DNAH14: variants seen among roughly 807,000 people sequenced by gnomAD.
DNAH14 encodes the protein axonemal beta dynein heavy chain 14.
Under a neutral mutation model 520.9 loss-of-function variants are expected in DNAH14, and 478 were observed. That is an observed-to-expected ratio of 0.92 (90% confidence interval 0.85 to 0.99). The LOEUF (loss-of-function observed/expected upper bound fraction) is 0.99. Among genes scored for constraint, DNAH14 ranks in the 50% least tolerant of loss-of-function variants. The pLI is 0.00. For missense variants in DNAH14, 4,831 were observed against 5,234.5 expected, an observed-to-expected ratio of 0.92 and a Z score of 2.38; for synonymous variants, 1,581 against 1,757.2, an observed-to-expected ratio of 0.90 and a Z score of 2.51.
chr1:224,941,849 T>G (rs2125404538), intron 1 of DNAH14, among the ~76,000 whole-genome samples: 1 of 152,266 alleles, frequency 6.6e-6, no homozygotes. Context: ...GAGGGCTCTG[T>G]TTTGTTCCAT....
At chr1:225,002,739 AT>A (rs1558648935) in intron 8 of DNAH14, 43 bp from the exon 9 acceptor site, 12 of 1,512,348 alleles carry the variant, frequency 7.9e-6, no homozygotes, top group Non-Finnish European at 9.8e-6. Context: ...AATTTTATTC[AT>A]TTTGAATGAG....
chr1:225,347,070 C>G (rs1236054015), intron 71 of DNAH14, among the ~76,000 whole-genome samples: 2 of 152,256 alleles, frequency 1.3e-5, no homozygotes, highest in East Asian at 3.9e-4. Flanking sequence ...CTAAATGTTT[C>G]TATGTTGTAT....
At chr1:224,947,586 T>A (rs1246892617) in intron 1 of DNAH14, among the ~76,000 whole-genome samples, 5 of 152,082 alleles carry the variant, frequency 3.3e-5, no homozygotes, top group Admixed American at 2.6e-4. Context: ...TCTTTAGTAT[T>A]ATTCTACTTT....
chr1:225,258,039 T>C lies in DNAH14; in HGVS notation c.6945T>C (p.Tyr2315=). Residue 2315 remains tyrosine, a synonymous_variant, in exon 45 of 86, where the codon TAT becomes TAC. Coordinates refer to ENST00000682510, the MANE Select transcript of DNAH14 (RefSeq NM_001367479.1). ...CAGAATGTGGAGAATGCATTAATTA[T>C]ACCGCTACCAGAGACACAACATGCC... is the stretch of plus-strand genomic sequence containing the variant. ...KITECGECIN[Y]TATRDTTCLS... The C allele has an allele frequency of 6.4e-7, 1 of 1,550,626 alleles. No homozygotes were observed. The highest frequency in any genetic ancestry group is 1.2e-5 in the South Asian group (1 of 83,838).
intron 17 of DNAH14, among the ~76,000 whole-genome samples, chr1:225,060,035 G>A (rs1350856182): frequency 3.3e-5 from 5 of 151,722 alleles, no homozygotes; most frequent in Non-Finnish European, 5.9e-5. Context: ...GAGTATCTTT[G>A]TGGCGTTCTC....
At chr1:224,947,334 C>A (rs1489495514) in intron 1 of DNAH14, among the ~76,000 whole-genome samples, 2 of 151,988 alleles carry the variant, frequency 1.3e-5, no homozygotes, top group South Asian at 4.2e-4. Context: ...CTATTAGACT[C>A]TCCTTCATGT....
intron 2 of DNAH14, 121 bp from the exon 3 acceptor site, chr1:224,954,838 A>G (rs1344668004): frequency 4.3e-6 from 3 of 695,702 alleles, no homozygotes; most frequent in Non-Finnish European, 7.2e-6. Flanking sequence ...CATAGCATTT[A>G]TTAAACCTAA....
At chr1:225,383,097 C>T (rs150569675) in intron 81 of DNAH14, among the ~76,000 whole-genome samples, 13 of 152,228 alleles carry the variant, frequency 8.5e-5, no homozygotes, top group African/African-American at 2.4e-4. Flanking sequence ...CTCATGAAAA[C>T]GTTCTACAAT....
chr1:225,310,508 T>C (rs2094342199), intron 60 of DNAH14, among the ~76,000 whole-genome samples: 1 of 152,178 alleles, frequency 6.6e-6, no homozygotes. Context: ...TGCAAGTTTG[T>C]TACATAGGTA....
intron 23 of DNAH14, among the ~76,000 whole-genome samples, chr1:225,112,602 A>G (rs895881706): frequency 1.3e-5 from 2 of 151,836 alleles, no homozygotes; most frequent in Non-Finnish European, 2.9e-5. Context: ...TAGCTTTTCT[A>G]TTTTTAGGCT....
At chr1:225,073,628 G>T (rs2071821077) in intron 17 of DNAH14, among the ~76,000 whole-genome samples, 1 of 151,216 alleles carries the variant, frequency 6.6e-6, no homozygotes, top group Non-Finnish European at 1.5e-5. Flanking sequence ...CTCTGTCTTA[G>T]GAAGTTTGTT....
chr1:225,396,187 G>T (rs2096008951), intron 84 of DNAH14: 1 of 152,180 alleles, frequency 6.6e-6, no homozygotes, highest in South Asian at 2.1e-4. Flanking sequence ...GTATTGACGT[G>T]GAAGAAAGCT....
chr1:224,972,373 G>A lies in DNAH14; in HGVS notation c.768-1718G>A, dbSNP rs150156288. On this transcript the variant is annotated intron_variant, in intron 7 of 85. Transcript: ENST00000682510. ...GGCTGGGGTGCAGTGGTGCGATCTC[G>A]GCTCACTGCAAGCTCTGCCTCCTGG... Among the ~76,000 whole-genome samples, 1,255 of 151,846 alleles carry A rather than the reference G, an allele frequency of 8.3e-3. 8 individuals carry two copies. Among genetic ancestry groups the A allele is most frequent in the South Asian group, 0.029 (137 of 4,806 alleles).
In DNAH14 at chr1:225,263,372, C is replaced by G. The variant is rs767694930; in HGVS notation, c.7158-825C>G. On this transcript the variant is annotated intron_variant, in intron 46 of 85. Coordinates refer to ENST00000682510, the MANE Select transcript of DNAH14 (RefSeq NM_001367479.1). ...CTCTAGTGCTTCTTATCTCAATAAA[C>G]GGGACGCAGTTATTCAAGCCTGAGA... Among the ~76,000 whole-genome samples the G allele has an allele frequency of 3.3e-5, 5 of 151,402 alleles. No homozygotes were observed. The East Asian group carries it at 9.6e-4, about 29-fold the overall frequency.
Position 225,381,401 on chromosome 1 carries a change from A to T in DNAH14, c.12899A>T (p.His4300Leu). The T allele has an allele frequency of 2.6e-6, 4 of 1,548,404 alleles. No individual in the cohort carries two copies. The highest frequency in any genetic ancestry group is 3.5e-6 in the Non-Finnish European group (4 of 1,146,410). Reference sequence around the variant, plus strand: ...AATCCAGATCACGACCCCCTTATCCATTGTGTCTTGCTAACCTTTTTGAAG... The same window carrying T: ...AATCCAGATCACGACCCCCTTATCCTTTGTGTCTTGCTAACCTTTTTGAAG... ...KNLKDHDPLI[H>L]CVLLTFLKQE... The change falls in exon 81 of 86, where the codon CAT becomes CTT. Residue 4300 changes from histidine to leucine, a missense_variant. Transcript: ENST00000682510.
At chr1:225,214,691 G>A (rs888987183) in intron 41 of DNAH14, among the ~76,000 whole-genome samples, 1 of 152,174 alleles carries the variant, frequency 6.6e-6, no homozygotes, top group African/African-American at 2.4e-5. Flanking sequence ...TAGTTTATTT[G>A]CATAGAGGTG....
chr1:224,967,755 T>G (rs774206519), intron 6 of DNAH14, 172 bp downstream of exon 6: 1 of 1,521,752 alleles, frequency 6.6e-7, no homozygotes, highest in African/African-American at 1.4e-5. Flanking sequence ...GTGAAGTTTT[T>G]CCTTTTGTGT....
intron 11 of DNAH14, among the ~76,000 whole-genome samples, chr1:225,036,095 C>T (rs1389575430): frequency 1.3e-5 from 2 of 152,098 alleles, no homozygotes; most frequent in African/African-American, 4.8e-5. Flanking sequence ...TGAGTTAGGT[C>T]AGAGACCCAC....
At chr1:225,171,900 T>C (rs2082719587) in intron 36 of DNAH14, among the ~76,000 whole-genome samples, 1 of 152,096 alleles carries the variant, frequency 6.6e-6, no homozygotes, top group Admixed American at 6.5e-5. Context: ...CAGCAGCACA[T>C]CAAAAAGCTT....
Sources: allele counts gnomAD v4.1 joint callset (sites outside exome capture counted in the v4.1 genomes callset), GRCh38; gene constraint gnomAD v4.1.1; transcripts MANE v1.5; gene names NCBI Gene and HGNC (gene_info 2026-07-23, HGNC 2026-07-21).